Variants in PRSS38 observed in about 807,000 individuals in gnomAD.
PRSS38 encodes marapsin 2.
Under a neutral mutation model 26.8 loss-of-function variants are expected in PRSS38, and 22 were observed. The ratio of observed to expected loss-of-function variants is 0.82; its 90% CI spans 0.59 to 1.17. PRSS38 has a LOEUF of 1.17. Ranked by LOEUF, PRSS38 falls within the 50% of genes most tolerant of loss-of-function variation. The probability of loss-of-function intolerance (pLI) is 0.00; values close to 1 mark genes in which losing one functional copy is unlikely to be tolerated. For synonymous variants in PRSS38, 175 were observed against 172.1 expected, an observed-to-expected ratio of 1.02 and a Z score of -0.13; for missense variants, 427 against 422.7, an observed-to-expected ratio of 1.01 and a Z score of -0.09.
chr1:227,840,179 T>A (rs1367913963), intron 3 of PRSS38, among the ~76,000 whole-genome samples: 2 of 152,156 alleles, frequency 1.3e-5, no homozygotes, highest in Admixed American at 1.3e-4. Flanking sequence ...TAGAGTGCAG[T>A]GCGGTGATCA....
chr1:227,830,652 C>T (rs1417598910), intron 3 of PRSS38, among the ~76,000 whole-genome samples: 1 of 151,512 alleles, frequency 6.6e-6, no homozygotes, highest in Non-Finnish European at 1.5e-5. Context: ...CCACCAAGCC[C>T]TGCTAATTTT....
At chr1:227,822,904 A>T (rs2102674876) in intron 3 of PRSS38, among the ~76,000 whole-genome samples, 1 of 152,320 alleles carries the variant, frequency 6.6e-6, no homozygotes, top group East Asian at 1.9e-4. Flanking sequence ...TGCTTTTTCT[A>T]AAAATCTTTT....
chr1:227,842,733 A>G (rs1187864089), intron 3 of PRSS38, among the ~76,000 whole-genome samples: 1 of 152,056 alleles, frequency 6.6e-6, no homozygotes, highest in Non-Finnish European at 1.5e-5. Context: ...GGCATGTGCT[A>G]CCACACCTAA....
chr1:227,821,717 G>T (rs1241676278), intron 3 of PRSS38, among the ~76,000 whole-genome samples: 3 of 152,108 alleles, frequency 2.0e-5, no homozygotes, highest in Non-Finnish European at 2.9e-5. Flanking sequence ...TCTGATTGAG[G>T]ATCCTTGTAC....
At chr1:227,829,130 C>T (rs1047475418) in intron 3 of PRSS38, among the ~76,000 whole-genome samples, 1 of 152,162 alleles carries the variant, frequency 6.6e-6, no homozygotes, top group Admixed American at 6.5e-5. Context: ...AGCGCGAGAA[C>T]CTGGATATTT....
At chr1:227,826,816 T>C (rs1226006541) in intron 3 of PRSS38, among the ~76,000 whole-genome samples, 1 of 152,164 alleles carries the variant, frequency 6.6e-6, no homozygotes, top group Admixed American at 6.5e-5. Context: ...ATATTGGCTG[T>C]GGGTTTGTCA....
rs79046095 is a variant in PRSS38, at chr1:227,835,683, G to A, written c.584-9787G>A. ...CACTGTCGAGCCTCAAAAACACAAT[G>A]CTAAGTGAAAAAGCCAGACACTAAA... On this transcript the variant is annotated intron_variant, in intron 3 of 4. Coordinates refer to ENST00000366757, the Ensembl canonical transcript of PRSS38. 9.5e-3 allele frequency among the ~76,000 whole-genome samples: 1,440 copies of A among 152,232 alleles called. 20 individuals are homozygous for A. The highest frequency in any genetic ancestry group is 0.033 in the African/African-American group (1,371 of 41,514).
intron 3 of PRSS38, among the ~76,000 whole-genome samples, chr1:227,842,035 A>G (rs1665344784): frequency 6.6e-6 from 1 of 152,152 alleles, no homozygotes; most frequent in Non-Finnish European, 1.5e-5. Context: ...CTCTGTTGGA[A>G]GCCAGTAGAA....
chr1:227,819,143 T>A (rs79430532), intron 3 of PRSS38, among the ~76,000 whole-genome samples: 2,902 of 152,308 alleles, frequency 0.019, 108 homozygotes, highest in African/African-American at 0.065. Flanking sequence ...ATTGCCTTTT[T>A]TATATAAAAC....
intron 3 of PRSS38, among the ~76,000 whole-genome samples, chr1:227,838,888 G>A (rs1223368151): frequency 6.6e-6 from 1 of 151,814 alleles, no homozygotes; most frequent in Non-Finnish European, 1.5e-5. Context: ...TTACTATGTT[G>A]CCCAGGCCCA....
At chr1:227,836,792 G>A (rs1665243430) in intron 3 of PRSS38, among the ~76,000 whole-genome samples, 1 of 152,030 alleles carries the variant, frequency 6.6e-6, no homozygotes, top group Admixed American at 6.5e-5. Flanking sequence ...ATTTTTATTT[G>A]AGACATTGTT....
chr1:227,845,259 TCCTATGTGTGGTCAGGACTCCTC>T (rs369811387), intron 3 of PRSS38, among the ~76,000 whole-genome samples, 188 bp from the exon 4 acceptor site: 5 of 143,440 alleles, frequency 3.5e-5, no homozygotes, highest in South Asian at 4.6e-4. Flanking sequence ...ATAGTGGAGC[TCCTATGTGTGGTCAGGACTCCTC>T]CCTATGTGTG....
chr1:227,816,240 A>C lies in PRSS38; in HGVS notation c.299A>C (p.His100Pro), dbSNP rs1333773416. Residue 100 changes from histidine to proline, a missense_variant, in exon 2 of 5, where the codon CAC (histidine) becomes CCC (proline). By Grantham distance (77) the His-to-Pro change is moderately conservative. Transcript: ENST00000366757. This position sits in a 1 kb window ranked among gnomAD's most constrained non-coding sequence, Gnocchi z 5.1. The stretch of plus-strand genomic sequence containing the variant: ...GAGTACTGGGTGCTGTCAGCTGCGC[A>C]CTGCTTTCACAGGTAAGCGGGCGCC... 2 of 1,611,634 alleles carry C rather than the reference A, an allele frequency of 1.2e-6. No homozygotes were observed. The highest frequency in any genetic ancestry group is 2.7e-5 in the African/African-American group (2 of 74,946).
chr1:227,845,662 G>A (rs1389505696), intron 4 of PRSS38, 50 bp downstream of exon 4: 2 of 1,588,630 alleles, frequency 1.3e-6, no homozygotes, highest in Admixed American at 1.7e-5. Context: ...CCCTGTGCCT[G>A]TGGACCCCAC....
rs1017323062 is a variant in PRSS38, at chr1:227,831,136, TTTC to T, written c.583+13667_583+13669del. ...TAGAAGCTTAGAGTGGTTTGTGACCTTTCTTCTTCTTCTAATATAAGCATTTAA... is the reference window on the plus strand; with the variant it reads ...TAGAAGCTTAGAGTGGTTTGTGACCTTTCTTCTTCTAATATAAGCATTTAA... On this transcript the variant is annotated intron_variant, in intron 3 of 4. Transcript: ENST00000366757. Among the ~76,000 whole-genome samples, 9 of 152,216 alleles carry T rather than the reference TTTC, an allele frequency of 5.9e-5. No homozygotes were observed. In the South Asian group the frequency reaches 8.3e-4, roughly 14 times the overall value.
chr1:227,816,127 C>A lies in PRSS38; in HGVS notation c.186C>A (p.Gly62=), dbSNP rs369177689. 6.2e-7 allele frequency: 1 copy of A among 1,613,568 alleles called. No homozygotes were observed. Among genetic ancestry groups the A allele is most frequent in the Middle Eastern group, 1.6e-4 (1 of 6,062 alleles). The change falls in exon 2 of 5, where the codon GGC becomes GGA. Residue 62 remains glycine, a synonymous_variant. Coordinates refer to ENST00000366757, the Ensembl canonical transcript of PRSS38. This position sits in a 1 kb window ranked among gnomAD's most constrained non-coding sequence, Gnocchi z 5.1. ...CCAGCATGGAGGGGAAAATCCTGGG[C>A]GGCGTCCCTGCGCCCGAGAGGAAGT...
intron 3 of PRSS38, among the ~76,000 whole-genome samples, chr1:227,818,041 A>AT (rs1664948378): frequency 6.6e-6 from 1 of 152,072 alleles, no homozygotes; most frequent in Admixed American, 6.5e-5. Flanking sequence ...AAAAGATAAT[A>AT]TTTTCTTCTA....
intron 3 of PRSS38, among the ~76,000 whole-genome samples, chr1:227,834,376 C>G (rs1665206499): frequency 6.6e-6 from 1 of 152,040 alleles, no homozygotes; most frequent in East Asian, 1.9e-4. Context: ...ACATGAGCAT[C>G]AAAATAAATT....
chr1:227,833,240 C>A (rs919692498), intron 3 of PRSS38, among the ~76,000 whole-genome samples: 1 of 152,118 alleles, frequency 6.6e-6, no homozygotes, highest in Non-Finnish European at 1.5e-5. Context: ...TAAAAAAGAA[C>A]AACATGGCCG....
Sources: allele counts gnomAD v4.1 joint callset (sites outside exome capture counted in the v4.1 genomes callset), GRCh38; gene constraint gnomAD v4.1.1; non-coding constraint Gnocchi (gnomAD v3.1); transcripts MANE v1.5; gene names NCBI Gene and HGNC (gene_info 2026-07-23, HGNC 2026-07-21).